BCL2: variants seen among roughly 807,000 people sequenced by gnomAD.
The protein encoded by BCL2 is BCL2 apoptosis regulator.
A neutral mutation model predicts 14.2 loss-of-function variants in BCL2; 1 was observed. The observed-to-expected ratio is 0.07, with a 90% CI of 0.02 to 0.33. BCL2 has a LOEUF of 0.33. Ranked by LOEUF, BCL2 falls within the 10% of genes least tolerant of loss-of-function variation. BCL2 has a pLI of 0.99. For missense variants in BCL2, 247 were observed against 305.9 expected (o/e 0.81, Z 1.44); for synonymous variants, 151 against 137.2 (o/e 1.10, Z -0.70).
rs181032882 is a variant in BCL2 at position 63,206,116 on chromosome 18, C to T, written c.586-77357G>A. 1.9e-3 allele frequency among the ~76,000 whole-genome samples: 284 copies of T among 152,220 alleles called. 1 individual carries two copies. The highest frequency in any genetic ancestry group is 4.4e-3 in the Admixed American group (68 of 15,298). ...AGGCATTTAAGGAGGAGGTCTGGGC[C>T]CCCTTCACGGTGGTGTCCACACCTC... On this transcript the variant is annotated intron_variant, in intron 2 of 2. Transcript: ENST00000333681.
intron 2 of BCL2, among the ~76,000 whole-genome samples, chr18:63,258,616 C>G (rs1313089085): frequency 6.6e-6 from 1 of 152,204 alleles, no homozygotes; most frequent in African/African-American, 2.4e-5. Context: ...GGATTGATAG[C>G]CACCTCCTCC....
chr18:63,150,546 C>T (rs1260557406), intron 2 of BCL2, among the ~76,000 whole-genome samples: 1 of 152,178 alleles, frequency 6.6e-6, no homozygotes, highest in African/African-American at 2.4e-5. Flanking sequence ...TTTCTTGGCT[C>T]CCTCCAGTTT....
chr18:63,266,637 T>TCTCTCTCACACACA (rs1491465885), intron 2 of BCL2, among the ~76,000 whole-genome samples: 919 of 85,920 alleles, frequency 0.011, 9 homozygotes, highest in South Asian at 0.048. Flanking sequence ...TCTCTCTCTC[T>TCTCTCTCACACACA]CACACACACA....
intron 2 of BCL2, among the ~76,000 whole-genome samples, chr18:63,264,394 C>T (rs1013168831): frequency 4.6e-5 from 7 of 152,058 alleles, no homozygotes; most frequent in African/African-American, 1.7e-4. Context: ...AATTAACGGC[C>T]AGAGAGTGGC....
chr18:63,219,008 T>C (rs562686634), intron 2 of BCL2, among the ~76,000 whole-genome samples: 68 of 152,322 alleles, frequency 4.5e-4, no homozygotes, highest in African/African-American at 1.5e-3. Context: ...AAGCATGAGT[T>C]GGTTGATATC....
chr18:63,259,290 C>T (rs912459720), intron 2 of BCL2, among the ~76,000 whole-genome samples: 2 of 152,274 alleles, frequency 1.3e-5, no homozygotes, highest in East Asian at 3.8e-4. Context: ...AGAAAGCGGG[C>T]AGCGTGTAAG....
At chr18:63,226,982 A>T (rs1568239911) in intron 2 of BCL2, among the ~76,000 whole-genome samples, 1 of 152,136 alleles carries the variant, frequency 6.6e-6, no homozygotes, top group Non-Finnish European at 1.5e-5. Flanking sequence ...AGAATCGGTG[A>T]ATGTCAGGAA....
At chr18:63,188,420 G>T (rs1004551852) in intron 2 of BCL2, among the ~76,000 whole-genome samples, 2 of 152,140 alleles carry the variant, frequency 1.3e-5, no homozygotes, top group Admixed American at 1.3e-4. Flanking sequence ...CATCATAGGG[G>T]TTCAATAAGG....
At chr18:63,197,025 T>A (rs1374240131) in intron 2 of BCL2, among the ~76,000 whole-genome samples, 2 of 152,226 alleles carry the variant, frequency 1.3e-5, no homozygotes, top group Non-Finnish European at 2.9e-5. Context: ...CTTCTTCAAA[T>A]CTATCTTCTT....
At chr18:63,239,851 A>G (rs1910948310) in intron 2 of BCL2, among the ~76,000 whole-genome samples, 2 of 152,214 alleles carry the variant, frequency 1.3e-5, no homozygotes, top group Non-Finnish European at 2.9e-5. Flanking sequence ...GAACCCTTAA[A>G]GGGGTTCAAT....
intron 2 of BCL2, among the ~76,000 whole-genome samples, chr18:63,299,953 G>A (rs1335638924): frequency 6.6e-6 from 1 of 151,980 alleles, no homozygotes; most frequent in East Asian, 1.9e-4. Flanking sequence ...GTTTCCCCAG[G>A]AGACTGTCCC....
At chr18:63,255,899 G>A (rs182234597) in intron 2 of BCL2, among the ~76,000 whole-genome samples, 24 of 150,730 alleles carry the variant, frequency 1.6e-4, no homozygotes, top group African/African-American at 2.4e-5. Context: ...CTTCTTATCT[G>A]AAGGGATTTC....
At chr18:63,166,447 A>G (rs1915046916) in intron 2 of BCL2, among the ~76,000 whole-genome samples, 1 of 152,182 alleles carries the variant, frequency 6.6e-6, no homozygotes, top group South Asian at 2.1e-4. Context: ...CAGAAGCCAC[A>G]CTGTCACTGG....
chr18:63,306,101 C>CA (rs1266413884), intron 2 of BCL2, among the ~76,000 whole-genome samples: 2 of 151,928 alleles, frequency 1.3e-5, no homozygotes, highest in Admixed American at 6.6e-5. Context: ...AACAAACAAA[C>CA]AAAAAACACA....
intron 2 of BCL2, among the ~76,000 whole-genome samples, chr18:63,294,599 G>A (rs369786616): frequency 6.6e-6 from 1 of 152,062 alleles, no homozygotes. Flanking sequence ...GAACCCGGGA[G>A]GCTGAGGTTG....
intron 2 of BCL2, among the ~76,000 whole-genome samples, chr18:63,189,712 G>A (rs962077783): frequency 2.5e-5 from 3 of 119,004 alleles, no homozygotes; most frequent in East Asian, 2.4e-4. Context: ...CCCACCCACC[G>A]CATCCAATGA....
At chr18:63,141,446 CT>C (rs1364037158) in intron 2 of BCL2, among the ~76,000 whole-genome samples, 1 of 152,144 alleles carries the variant, frequency 6.6e-6, no homozygotes, top group African/African-American at 2.4e-5. Context: ...TCTGATGTGC[CT>C]CTGTGCTTCC....
In BCL2 at chr18:63,173,701, C is replaced by G. The variant is rs186716995; in HGVS notation, c.586-44942G>C. 2.0e-4 allele frequency among the ~76,000 whole-genome samples: 31 copies of G among 152,256 alleles called. 1 individual carries two copies. The East Asian group carries it at 5.6e-3, about 27-fold the overall frequency. Reference sequence around the variant, plus strand: ...GCTCAGGAATAGATTAATGTATGTCCATGCAATATTTTTTCTGTTATTATA... The same window carrying G: ...GCTCAGGAATAGATTAATGTATGTCGATGCAATATTTTTTCTGTTATTATA... On this transcript the variant is annotated intron_variant, in intron 2 of 2. Transcript: ENST00000333681.
chr18:63,309,808 A>T (rs1422205259), intron 2 of BCL2, among the ~76,000 whole-genome samples: 1 of 152,148 alleles, frequency 6.6e-6, no homozygotes, highest in African/African-American at 2.4e-5. Flanking sequence ...ATATTAAATG[A>T]GTAGTACTTG....
Sources: allele counts gnomAD v4.1 joint callset (sites outside exome capture counted in the v4.1 genomes callset), GRCh38; gene constraint gnomAD v4.1.1; transcripts MANE v1.5; gene names NCBI Gene and HGNC (gene_info 2026-07-23, HGNC 2026-07-21).